The following UMAD1 variants were observed in gnomAD, a reference collection of about 807,000 sequenced individuals.
UMAD1 encodes the protein UBAP1-MVB12-associated (UMA) domain containing 1.
A neutral mutation model predicts 6.1 loss-of-function variants in UMAD1; 8 were observed. The observed-to-expected ratio is 1.30, with a 90% CI of 0.76 to 2.35. UMAD1 has a LOEUF of 2.35. Among genes scored for constraint, UMAD1 ranks in the 30% most tolerant of loss-of-function variants. UMAD1 has a pLI of 0.00. For synonymous variants in UMAD1, 56 were observed against 31.4 expected (o/e 1.78, Z -2.61); for missense variants, 130 against 78.4 (o/e 1.66, Z -2.49).
At chr7:7,865,920 C>A (rs566211483) in intron 3 of UMAD1, among the ~76,000 whole-genome samples, 7 of 152,094 alleles carry the variant, frequency 4.6e-5, no homozygotes, top group African/African-American at 1.7e-4. Flanking sequence ...GTGGCAGGAC[C>A]CCATTAAACT....
chr7:7,684,204 C>A (rs562458456), intron 2 of UMAD1, among the ~76,000 whole-genome samples: 9 of 151,500 alleles, frequency 5.9e-5, no homozygotes, highest in Non-Finnish European at 1.0e-4. Flanking sequence ...AGCACAGATG[C>A]AATTTTTTTT....
In UMAD1 at chr7:7,861,445, C is replaced by G. The variant is rs944684980; in HGVS notation, c.157-15836C>G. ...TTCTATTTTGAAATATAACCTTTTG[C>G]AAGTGAGAGCCAAGGTCAAGTGACA... On this transcript the variant is annotated intron_variant, in intron 3 of 3. Transcript: ENST00000682710. Among the ~76,000 whole-genome samples, 8 of 152,304 alleles carry G rather than the reference C, an allele frequency of 5.3e-5. No homozygotes were observed. The South Asian group carries it at 1.7e-3, about 32-fold the overall frequency.
Position 7,781,401 on chromosome 7 carries a change from C to T in UMAD1, c.83-20269C>T, listed in dbSNP as rs1013030303. Among the ~76,000 whole-genome samples the T allele has an allele frequency of 4.6e-5, 7 of 151,810 alleles. No homozygotes were observed. In the East Asian group the frequency reaches 1.4e-3, roughly 29 times the overall value. On this transcript the variant is annotated intron_variant, in intron 2 of 3. Coordinates refer to ENST00000682710, the MANE Select transcript of UMAD1 (RefSeq NM_001302348.2). ...TTTTTTAGTGGAAATTTAAAATATA[C>T]TGCTGCATTCTGGAAAAATCACTGG...
intron 3 of UMAD1, among the ~76,000 whole-genome samples, chr7:7,810,985 T>C (rs373496911): frequency 6.6e-6 from 1 of 152,280 alleles, no homozygotes; most frequent in East Asian, 1.9e-4. Flanking sequence ...TTTGGGAGGT[T>C]ATTCTTCCTA....
chr7:7,767,128 C>CTTTTTTTTTTTTTTTTTTTTTTTTTTT lies in UMAD1; in HGVS notation c.83-34528_83-34527insTTTTTTTTTTTTTTTTTTTTTTTTTTT, dbSNP rs71014711. Reference sequence around the variant, plus strand: ...AGTGAGCATTTCAAGAAATTAAGCTCTTTTTTTTTTTTTTGAGACGGACTC... The same window carrying CTTTTTTTTTTTTTTTTTTTTTTTTTTT: ...AGTGAGCATTTCAAGAAATTAAGCTCTTTTTTTTTTTTTTTTTTTTTTTTTTTTTTTTTTTTTTTTTGAGACGGACTC... On this transcript the variant is annotated intron_variant, in intron 2 of 3. Coordinates refer to ENST00000682710, the MANE Select transcript of UMAD1 (RefSeq NM_001302348.2). Among the ~76,000 whole-genome samples the CTTTTTTTTTTTTTTTTTTTTTTTTTTT allele has an allele frequency of 1.5e-4, 20 of 129,804 alleles. 1 individual carries two copies. Among genetic ancestry groups the CTTTTTTTTTTTTTTTTTTTTTTTTTTT allele is most frequent in the East Asian group, 4.4e-4 (2 of 4,536 alleles). 85.2% of individuals were successfully genotyped at this position (129,804 alleles called of 152,430 possible).
chr7:7,804,432 G>A (rs942845530), intron 3 of UMAD1, among the ~76,000 whole-genome samples: 3 of 152,212 alleles, frequency 2.0e-5, no homozygotes, highest in Non-Finnish European at 4.4e-5. Context: ...CAGCACTTTG[G>A]GAAGTCAAGG....
chr7:7,678,214 G>C (rs1479560815), intron 2 of UMAD1, among the ~76,000 whole-genome samples: 1 of 151,654 alleles, frequency 6.6e-6, no homozygotes, highest in Non-Finnish European at 1.5e-5. Context: ...ACCAGGGTAT[G>C]AGGTCCCTTT....
At chr7:7,700,920 C>CGT (rs1780445412) in intron 2 of UMAD1, among the ~76,000 whole-genome samples, 1 of 151,918 alleles carries the variant, frequency 6.6e-6, no homozygotes, top group Non-Finnish European at 1.5e-5. Flanking sequence ...CATGGTGGTG[C>CGT]ATACCTGTAG....
At chr7:7,704,334 A>G (rs1780541224) in intron 2 of UMAD1, among the ~76,000 whole-genome samples, 1 of 152,168 alleles carries the variant, frequency 6.6e-6, no homozygotes, top group Non-Finnish European at 1.5e-5. Context: ...TTTGTTTTGA[A>G]GTTTTGATTT....
intron 2 of UMAD1, among the ~76,000 whole-genome samples, chr7:7,764,250 G>A (rs1781946052): frequency 6.6e-6 from 1 of 152,160 alleles, no homozygotes; most frequent in South Asian, 2.1e-4. Context: ...ACAAATGTCA[G>A]TGTTAAGACC....
At chr7:7,765,449 A>T (rs915744639) in intron 2 of UMAD1, among the ~76,000 whole-genome samples, 1 of 152,208 alleles carries the variant, frequency 6.6e-6, no homozygotes, top group African/African-American at 2.4e-5. Flanking sequence ...AATTTTATGA[A>T]AAGTAAATTT....
intron 2 of UMAD1, among the ~76,000 whole-genome samples, chr7:7,760,842 A>G (rs933922332): frequency 6.6e-6 from 1 of 152,190 alleles, no homozygotes; most frequent in Non-Finnish European, 1.5e-5. Context: ...ACCACTGAAG[A>G]TTTTTTGAAA....
At chr7:7,840,244 G>A (rs1418896077) in intron 3 of UMAD1, among the ~76,000 whole-genome samples, 5 of 152,046 alleles carry the variant, frequency 3.3e-5, no homozygotes, top group African/African-American at 4.8e-5. Flanking sequence ...TACCCAGCTC[G>A]GTTGAAAGAA....
intron 2 of UMAD1, among the ~76,000 whole-genome samples, chr7:7,696,731 C>T (rs1780328062): frequency 6.6e-6 from 1 of 152,166 alleles, no homozygotes; most frequent in Admixed American, 6.5e-5. Flanking sequence ...AGTCAGCTCT[C>T]AATAGTGGGC....
intron 2 of UMAD1, among the ~76,000 whole-genome samples, chr7:7,777,188 T>C (rs1782226096): frequency 1.3e-5 from 2 of 152,074 alleles, no homozygotes; most frequent in African/African-American, 4.8e-5. Context: ...GCCATTTAGA[T>C]CATTTCCAGA....
intron 2 of UMAD1, among the ~76,000 whole-genome samples, chr7:7,715,654 T>G (rs1051539772): frequency 1.3e-5 from 2 of 152,130 alleles, no homozygotes; most frequent in African/African-American, 4.8e-5. Flanking sequence ...AAAATAAAGA[T>G]CCACAAATTT....
Position 7,713,182 on chromosome 7 carries a change from C to CA in UMAD1, c.82+39741dup, listed in dbSNP as rs768521316. On this transcript the variant is annotated intron_variant, in intron 2 of 3. Transcript: ENST00000682710. Reference sequence around the variant, plus strand: ...TGAAACCCTGTTTCTACTAAAAATACAAAAAAAAAAAATTAGCTGGGCATG... The same window carrying CA: ...TGAAACCCTGTTTCTACTAAAAATACAAAAAAAAAAAAATTAGCTGGGCATG... Among the ~76,000 whole-genome samples, 827 of 143,844 alleles carry CA rather than the reference C, an allele frequency of 5.7e-3. 10 individuals carry two copies. The highest frequency in any genetic ancestry group is 8.0e-3 in the African/African-American group (313 of 39,132). 94.4% of individuals were successfully genotyped at this position (143,844 alleles called of 152,430 possible).
chr7:7,698,729 C>T (rs1780376785), intron 2 of UMAD1, among the ~76,000 whole-genome samples: 1 of 152,108 alleles, frequency 6.6e-6, no homozygotes, highest in South Asian at 2.1e-4. Context: ...TTACCTGCTC[C>T]ACTTCTTTAA....
At chr7:7,670,760 G>T (rs1317053607) in intron 1 of UMAD1, among the ~76,000 whole-genome samples, 2 of 152,112 alleles carry the variant, frequency 1.3e-5, no homozygotes, top group Admixed American at 1.3e-4. Flanking sequence ...TGGTGGAACT[G>T]GTAAGCATAA....
Sources: gnomAD v4.1 joint callset for allele counts (sites outside exome capture counted in the v4.1 genomes callset) on GRCh38, gnomAD v4.1.1 for gene constraint, MANE v1.5 for transcripts, NCBI Gene and HGNC (gene_info 2026-07-23, HGNC 2026-07-21) for gene names.